The following FRMD5 variants were observed in gnomAD, a reference collection of about 807,000 sequenced individuals.
The protein encoded by FRMD5 is FERM domain containing 5, also known as FERM domain-containing protein 5.
In FRMD5, 20 loss-of-function variants were observed where a neutral mutation model predicts 69.0. That is an observed-to-expected ratio of 0.29 (90% confidence interval 0.20 to 0.42). FRMD5 has a LOEUF of 0.42. FRMD5 is among the 10% of genes least tolerant of loss of function. The pLI is 1.00. For synonymous variants in FRMD5, 271 were observed against 260.1 expected (o/e 1.04, Z -0.40); for missense variants, 595 against 708.6 (o/e 0.84, Z 1.82).
upstream of FRMD5, among the ~76,000 whole-genome samples, chr15:44,195,465 C>T (rs1433432439): frequency 6.6e-6 from 1 of 152,226 alleles, no homozygotes; most frequent in Non-Finnish European, 1.5e-5. Flanking sequence ...GAGCAGCCCT[C>T]TAGCGTCCCA....
intron 1 of FRMD5, among the ~76,000 whole-genome samples, chr15:44,114,749 A>G (rs985587126): frequency 6.6e-6 from 1 of 152,242 alleles, no homozygotes; most frequent in African/African-American, 2.4e-5. Context: ...TGAATATTTC[A>G]TAATACTTTA....
At chr15:44,017,831 G>A (rs555872235) in intron 1 of FRMD5, among the ~76,000 whole-genome samples, 1 of 151,840 alleles carries the variant, frequency 6.6e-6, no homozygotes, top group South Asian at 2.1e-4. Flanking sequence ...GGATGGTCTC[G>A]ATCTCCTAAC....
intron 1 of FRMD5, among the ~76,000 whole-genome samples, chr15:44,032,807 C>G (rs1480570763): frequency 6.6e-6 from 1 of 152,006 alleles, no homozygotes; most frequent in Non-Finnish European, 1.5e-5. Flanking sequence ...TTCCTCGCTA[C>G]AAAGAGCTCA....
At chr15:44,108,626 C>G (rs989566346) in intron 1 of FRMD5, among the ~76,000 whole-genome samples, 1 of 152,004 alleles carries the variant, frequency 6.6e-6, no homozygotes, top group African/African-American at 2.4e-5. Flanking sequence ...GCCTGGGCAA[C>G]AAGAGTGAAA....
chr15:43,948,657 C>T (rs529368854), intron 1 of FRMD5, among the ~76,000 whole-genome samples: 1 of 152,276 alleles, frequency 6.6e-6, no homozygotes, highest in South Asian at 2.1e-4. Context: ...CATACCAATA[C>T]TCCCTCACTC....
chr15:43,940,147 G>A (rs978978899), intron 1 of FRMD5, among the ~76,000 whole-genome samples: 3 of 152,086 alleles, frequency 2.0e-5, no homozygotes, highest in Non-Finnish European at 2.9e-5. Context: ...ACTGCACTCC[G>A]GAGCCTGGGC....
At chr15:43,906,816 T>C (rs1451930061) in intron 5 of FRMD5, among the ~76,000 whole-genome samples, 2 of 149,356 alleles carry the variant, frequency 1.3e-5, no homozygotes, top group Non-Finnish European at 2.9e-5. Flanking sequence ...TTAGCCAGGA[T>C]GGTCTCGATC....
At chr15:44,119,975 A>G (rs2076923901) in intron 1 of FRMD5, among the ~76,000 whole-genome samples, 1 of 152,174 alleles carries the variant, frequency 6.6e-6, no homozygotes, top group South Asian at 2.1e-4. Flanking sequence ...ATTTCAAGGG[A>G]ACAGAATGTG....
At chr15:44,009,077 T>C (rs775553909) in intron 1 of FRMD5, among the ~76,000 whole-genome samples, 5 of 152,140 alleles carry the variant, frequency 3.3e-5, no homozygotes, top group African/African-American at 7.2e-5. Context: ...ACAGGAACCA[T>C]GTCTGTCCCA....
chr15:44,082,726 T>C (rs530006171), intron 1 of FRMD5, among the ~76,000 whole-genome samples: 86 of 152,098 alleles, frequency 5.7e-4, no homozygotes, highest in African/African-American at 2.0e-3. Context: ...CATTTCAATT[T>C]GCAAGCTCAC....
At chr15:43,949,144 C>T (rs896781123) in intron 1 of FRMD5, among the ~76,000 whole-genome samples, 1 of 152,180 alleles carries the variant, frequency 6.6e-6, no homozygotes, top group Non-Finnish European at 1.5e-5. Context: ...CCAATGGGGA[C>T]ACCTCAGGCA....
chr15:44,051,855 G>C (rs1892681412), intron 1 of FRMD5, among the ~76,000 whole-genome samples: 1 of 152,112 alleles, frequency 6.6e-6, no homozygotes, highest in South Asian at 2.1e-4. Flanking sequence ...GAACTACAGA[G>C]ATAAAGTGCC....
intron 1 of FRMD5, among the ~76,000 whole-genome samples, chr15:44,009,980 G>A (rs945863926): frequency 6.6e-6 from 1 of 152,198 alleles, no homozygotes; most frequent in Non-Finnish European, 1.5e-5. Flanking sequence ...ATTAGACAGA[G>A]CACAGAGGCT....
chr15:44,175,507 T>G (rs2077878415), intron 1 of FRMD5, among the ~76,000 whole-genome samples: 1 of 152,212 alleles, frequency 6.6e-6, no homozygotes, highest in Admixed American at 6.5e-5. Context: ...TCTCATATAT[T>G]GCTGGTGGGA....
chr15:44,067,881 C>CA (rs1330101349), intron 1 of FRMD5, among the ~76,000 whole-genome samples: 2 of 152,034 alleles, frequency 1.3e-5, no homozygotes, highest in Non-Finnish European at 2.9e-5. Flanking sequence ...TCTTAAAACT[C>CA]AGCAATGAAA....
At chr15:43,989,483 G>A in intron 1 of FRMD5, 1 of 854,870 alleles carries the variant, frequency 1.2e-6, no homozygotes, top group Non-Finnish European at 2.0e-6. Context: ...CTCCAGGGAG[G>A]AGCTGGAGGC....
In FRMD5 at chr15:43,872,820, T is replaced by A; in HGVS notation, c.*1065A>T. The A allele has an allele frequency of 9.9e-6, 2 of 201,362 alleles. No homozygotes were observed. The highest frequency in any genetic ancestry group is 1.1e-4 in the East Asian group (1 of 8,888). The allele number at this position is 201,362 out of a possible 1,614,324, so 12.5% of individuals were successfully genotyped here. A position where few individuals can be genotyped will look rare whatever the true frequency, so the allele number is the denominator to read the frequency against. On this transcript the variant is annotated 3_prime_UTR_variant, in exon 14 of 14. Transcript: ENST00000417257. ...TCGTTTAGTTCATCAGGCTCTATTT[T>A]CTTAATCCATAAAGTAAAAACAAAA...
chr15:44,171,571 C>A (rs1417665011), intron 1 of FRMD5, among the ~76,000 whole-genome samples: 1 of 151,968 alleles, frequency 6.6e-6, no homozygotes, highest in African/African-American at 2.4e-5. Flanking sequence ...GGTTAAGGTA[C>A]GATTTTCCCA....
At chr15:44,195,613 C>T (rs746891342), upstream of FRMD5, among the ~76,000 whole-genome samples, 1 of 152,246 alleles carries the variant, frequency 6.6e-6, no homozygotes, top group Non-Finnish European at 1.5e-5. Context: ...AAGCCTCGCA[C>T]CCTGCAACAC....
Sources: gnomAD v4.1 joint callset for allele counts (sites outside exome capture counted in the v4.1 genomes callset) on GRCh38, gnomAD v4.1.1 for gene constraint, MANE v1.5 for transcripts, NCBI Gene and HGNC (gene_info 2026-07-23, HGNC 2026-07-21) for gene names.